TP53BP1: variants seen among roughly 807,000 people sequenced by gnomAD.
TP53BP1 encodes tumor protein p53 binding protein 1.
In TP53BP1, 61 loss-of-function variants were observed where a neutral mutation model predicts 200.8. The observed-to-expected ratio is 0.30, with a 90% CI of 0.25 to 0.38. The LOEUF (loss-of-function observed/expected upper bound fraction) is 0.38. Among genes scored for constraint, TP53BP1 ranks in the 10% least tolerant of loss-of-function variants. TP53BP1 has a pLI of 1.00. For synonymous variants in TP53BP1, 822 were observed against 844.3 expected (o/e 0.97, Z 0.46); for missense variants, 2,144 against 2,371.9 (o/e 0.90, Z 2.00).
chr15:43,422,892 G>C (rs34860428), intron 18 of TP53BP1, among the ~76,000 whole-genome samples: 26,435 of 151,484 alleles, frequency 0.17, 2,499 homozygotes, highest in Middle Eastern at 0.28. Context: ...CTACTTGGGA[G>C]GCTGAGGTGG....
rs1366368240 is a variant in TP53BP1, at chr15:43,456,928, G to A, written c.1680C>T (p.Leu560=). ...IEDTEPMSPV[L]NSKFVPAEND... ...TTTCAGCAGGAACAAATTTAGAATT[G>A]AGAACTGGAGACATGGGTTCCGTAT... Residue 560 remains leucine, a synonymous_variant, in exon 12 of 28, where the codon CTC becomes CTT. Coordinates refer to ENST00000382044, the MANE Select transcript of TP53BP1 (RefSeq NM_001141980.3). 6.2e-7 allele frequency: 1 copy of A among 1,613,976 alleles called. No individual in the cohort carries two copies.
chr15:43,499,581 G>C (rs1397698839), intron 1 of TP53BP1, among the ~76,000 whole-genome samples: 1 of 152,120 alleles, frequency 6.6e-6, no homozygotes, highest in Non-Finnish European at 1.5e-5. Context: ...GGCTGATCTG[G>C]ACTTGTACAG....
At chr15:43,498,881 G>T (rs967998801) in intron 1 of TP53BP1, among the ~76,000 whole-genome samples, 1 of 152,086 alleles carries the variant, frequency 6.6e-6, no homozygotes, top group African/African-American at 2.4e-5. Flanking sequence ...CTAAAGAAAA[G>T]TTAACCTGCA....
Position 43,403,585 on chromosome 15 carries a change from T to C in TP53BP1, c.*3798A>G. 1.1e-6 allele frequency: 1 copy of C among 897,350 alleles called. No individual in the cohort carries two copies. The highest frequency in any genetic ancestry group is 1.8e-6 in the Non-Finnish European group (1 of 564,800). The allele number at this position is 897,350 out of a possible 1,614,324, so 55.6% of individuals were successfully genotyped here. On this transcript the variant is annotated 3_prime_UTR_variant, in exon 28 of 28. Transcript: ENST00000382044. Reference sequence around the variant, plus strand: ...CTGTCAGATTTGGGAGGTCAGCTATTAATTAGATCAGCTATTAATCAGACT... The same window carrying C: ...CTGTCAGATTTGGGAGGTCAGCTATCAATTAGATCAGCTATTAATCAGACT...
At chr15:43,431,671 C>T (rs1406683029) in intron 17 of TP53BP1, among the ~76,000 whole-genome samples, 1 of 152,240 alleles carries the variant, frequency 6.6e-6, no homozygotes, top group Non-Finnish European at 1.5e-5. Context: ...AGCCTCTCTT[C>T]TGCAGTTCTT....
intron 12 of TP53BP1, among the ~76,000 whole-genome samples, chr15:43,453,827 G>A (rs1283489410): frequency 4.0e-5 from 6 of 151,596 alleles, no homozygotes. Flanking sequence ...TTACAGGCGT[G>A]AGCCACCGCA....
At position 43,469,900 on chromosome 15, in the gene TP53BP1, A is replaced by G; in HGVS notation, c.1347T>C (p.Pro449=). ...TPISQSTPVF[P]PGSLPIPSQP... is the part of the protein sequence containing the mutation. ...GGGATGGGATAGGAAGTGACCCAGG[A>G]GGGAAGACTGGTGTGCTCTGAGATA... The change falls in exon 11 of 28, where the codon CCT becomes CCC. Residue 449 remains proline, a synonymous_variant. Coordinates refer to ENST00000382044, the MANE Select transcript of TP53BP1 (RefSeq NM_001141980.3). The G allele has an allele frequency of 6.2e-7, 1 of 1,614,058 alleles. No homozygotes were observed. The highest frequency in any genetic ancestry group is 8.5e-7 in the Non-Finnish European group (1 of 1,180,038).
intron 21 of TP53BP1, among the ~76,000 whole-genome samples, chr15:43,418,372 C>T (rs1164183801): frequency 1.4e-5 from 2 of 144,666 alleles, no homozygotes; most frequent in Admixed American, 7.0e-5. Flanking sequence ...TGTGGTGGTG[C>T]GTGCCTGTAA....
intron 23 of TP53BP1, chr15:43,415,356 C>A: frequency 1.7e-6 from 1 of 604,242 alleles, no homozygotes; most frequent in Non-Finnish European, 3.0e-6. Context: ...TTACAGGCGC[C>A]CGCCACCACA....
rs776118545 is a variant in TP53BP1 at position 43,457,227 on chromosome 15, G to A, written c.1390-9C>T. 3.6e-5 allele frequency: 57 copies of A among 1,572,412 alleles called. No homozygotes were observed. Among genetic ancestry groups the A allele is most frequent in the Non-Finnish European group, 4.6e-5 (54 of 1,162,430 alleles). ...GAAGGAATAAAAATGTCCTAAGGAA[G>A]AACAGAAAGAGACAAATTGTAATTT... is the stretch of plus-strand genomic sequence containing the variant. On this transcript the variant is annotated splice_polypyrimidine_tract_variant and intron_variant, in intron 11 of 27. Transcript: ENST00000382044.
intron 1 of TP53BP1, among the ~76,000 whole-genome samples, chr15:43,503,238 C>A (rs2140180936): frequency 6.6e-6 from 1 of 152,350 alleles, no homozygotes. Flanking sequence ...GTTCCCTGTG[C>A]CCTTTGCAAT....
rs745648466 is a variant in TP53BP1, at chr15:43,477,638, C to T, written c.910G>A (p.Val304Ile). The T allele has an allele frequency of 2.5e-6, 4 of 1,613,806 alleles. No homozygotes were observed. The highest frequency in any genetic ancestry group is 1.3e-5 in the African/African-American group (1 of 75,036). The change falls in exon 8 of 28, where the codon GTT (valine) becomes ATT (isoleucine). Residue 304 changes from valine (V) to isoleucine (I), a missense_variant. Physicochemically the swap from Val to Ile is conservative, Grantham distance 29 (BLOSUM62 3). Coordinates refer to ENST00000382044, the MANE Select transcript of TP53BP1 (RefSeq NM_001141980.3). Reference protein sequence around the residue: ...LQIQKSPEPEVLSTQEDLFDQ... With the variant: ...LQIQKSPEPEILSTQEDLFDQ... Reference sequence around the variant, plus strand: ...AACAAGTCTTCCTGAGTTGACAAAACCTCAGGCTCTGGTGACTTCTGAATC... The same window carrying T: ...AACAAGTCTTCCTGAGTTGACAAAATCTCAGGCTCTGGTGACTTCTGAATC...
Position 43,404,627 on chromosome 15 carries a change from G to A in TP53BP1, c.*2756C>T. The A allele has an allele frequency of 2.0e-6, 3 of 1,509,240 alleles. No homozygotes were observed. The highest frequency in any genetic ancestry group is 2.7e-6 in the Non-Finnish European group (3 of 1,104,180). The allele number at this position is 1,509,240 out of a possible 1,614,324, so 93.5% of individuals were successfully genotyped here. On this transcript the variant is annotated 3_prime_UTR_variant, in exon 28 of 28. Transcript: ENST00000382044. ...AATGAGTTGTAGAATTCTAGAACTG[G>A]AAGAAGACTTTAGTCCAAATACCCT...
chr15:43,428,132 C>T lies in TP53BP1; in HGVS notation c.3712G>A (p.Gly1238Ser). The T allele has an allele frequency of 6.2e-7, 1 of 1,613,792 alleles. No homozygotes were observed. Among genetic ancestry groups the T allele is most frequent in the Non-Finnish European group, 8.5e-7 (1 of 1,179,838 alleles). ...EEFDMPQPPH[G>S]HVLHRHMRTI... The stretch of plus-strand genomic sequence containing the variant: ...CTCATGTGACGATGTAAGACATGGC[C>T]ATGTGGAGGCTGAGGCATATCAAAC... The change falls in exon 18 of 28, where the codon GGC becomes AGC. Residue 1238 changes from glycine (G) to serine (S), a missense_variant. By Grantham distance (56) the Gly-to-Ser change is moderately conservative. Coordinates refer to ENST00000382044, the MANE Select transcript of TP53BP1 (RefSeq NM_001141980.3).
At chr15:43,421,205 C>T (rs1364610494) in intron 19 of TP53BP1, 31 bp from the exon 20 acceptor site, 1 of 1,609,896 alleles carries the variant, frequency 6.2e-7, no homozygotes, top group Non-Finnish European at 8.5e-7. Flanking sequence ...AGTCTGATAG[C>T]ACCTGCTACT....
intron 12 of TP53BP1, among the ~76,000 whole-genome samples, chr15:43,452,736 T>C (rs1595572855): frequency 1.3e-5 from 2 of 152,096 alleles, no homozygotes. Context: ...ACGAAATCAC[T>C]AGCATTTTCA....
At chr15:43,469,386 T>G (rs962060872) in intron 11 of TP53BP1, among the ~76,000 whole-genome samples, 4 of 152,170 alleles carry the variant, frequency 2.6e-5, no homozygotes, top group Non-Finnish European at 5.9e-5. Context: ...TGAGAATTAT[T>G]ACGACACAAC....
At chr15:43,415,208 T>TC (rs1033315703) in intron 23 of TP53BP1, 1 of 242,706 alleles carries the variant, frequency 4.1e-6, no homozygotes, top group African/African-American at 2.3e-5. Context: ...CCTTCTTTTT[T>TC]TTTTTTTTTT....
rs559137211 is a variant in TP53BP1, at chr15:43,470,508, C to T, written c.1181-442G>A. On this transcript the variant is annotated intron_variant, in intron 10 of 27. Transcript: ENST00000382044. ...ATACAGTATCTATAATTCATATTTA[C>T]GAACTGATTATATTTGCATTAACAA... Among the ~76,000 whole-genome samples, 11 of 152,210 alleles carry T rather than the reference C, an allele frequency of 7.2e-5. No individual in the cohort carries two copies. The South Asian group carries it at 1.2e-3, about 17-fold the overall frequency.
Sources: allele counts gnomAD v4.1 joint callset (sites outside exome capture counted in the v4.1 genomes callset), GRCh38; gene constraint gnomAD v4.1.1; transcripts MANE v1.5; gene names NCBI Gene and HGNC (gene_info 2026-07-23, HGNC 2026-07-21).